The following PTPRT variants were observed in gnomAD, a reference collection of about 807,000 sequenced individuals.
PTPRT encodes protein tyrosine phosphatase receptor type T.
A neutral mutation model predicts 176.8 loss-of-function variants in PTPRT; 56 were observed. The ratio of observed to expected loss-of-function variants is 0.32; its 90% CI spans 0.26 to 0.40. The LOEUF is 0.40. Among genes scored for constraint, PTPRT ranks in the 10% least tolerant of loss-of-function variants. The pLI is 1.00. For missense variants in PTPRT, 1,540 were observed against 1,908.2 expected (o/e 0.81, Z 3.60); for synonymous variants, 783 against 739.0 (o/e 1.06, Z -0.96).
chr20:42,048,238 G>A, the PTPRT span, among the ~76,000 whole-genome samples: 2 of 152,190 alleles, frequency 1.3e-5, no homozygotes, highest in Non-Finnish European at 2.9e-5. Context: ...TTCTTCCTGA[G>A]TATGGGGAAA....
chr20:42,745,822 G>C (rs531691417), intron 6 of PTPRT, among the ~76,000 whole-genome samples: 4 of 152,316 alleles, frequency 2.6e-5, no homozygotes, highest in Admixed American at 2.0e-4. Flanking sequence ...GCCTTGGACT[G>C]TGTGACTCTG....
intron 15 of PTPRT, among the ~76,000 whole-genome samples, chr20:42,224,362 A>G (rs11907691): frequency 0.31 from 47,416 of 152,098 alleles, 8,356 homozygotes; most frequent in East Asian, 0.38. Flanking sequence ...ACCTCTGTAC[A>G]TTTATGAACA....
At chr20:42,096,935 T>C (rs1985322194) in intron 27 of PTPRT, among the ~76,000 whole-genome samples, 1 of 152,018 alleles carries the variant, frequency 6.6e-6, no homozygotes, top group Non-Finnish European at 1.5e-5. Flanking sequence ...AACCCTCCAG[T>C]GTTTCACCTT....
intron 1 of PTPRT, among the ~76,000 whole-genome samples, chr20:43,108,638 T>A (rs2012719860): frequency 6.6e-6 from 1 of 152,060 alleles, no homozygotes; most frequent in South Asian, 2.1e-4. Context: ...GTTGCCCTTA[T>A]TTTCTTATAA....
intron 11 of PTPRT, among the ~76,000 whole-genome samples, chr20:42,347,114 G>A (rs550886740): frequency 6.6e-6 from 1 of 152,300 alleles, no homozygotes; most frequent in Admixed American, 6.5e-5. Flanking sequence ...GGGCCAATCA[G>A]TTAACATCTT....
At chr20:42,330,048 C>T (rs918815967) in intron 11 of PTPRT, among the ~76,000 whole-genome samples, 1 of 152,164 alleles carries the variant, frequency 6.6e-6, no homozygotes, top group African/African-American at 2.4e-5. Context: ...GCATTGTTGA[C>T]TATTCAATGT....
rs1210214907 is a variant in PTPRT, at chr20:42,705,332, G to A, written c.860-27173C>T. Among the ~76,000 whole-genome samples the A allele has an allele frequency of 4.6e-5, 7 of 151,892 alleles. No individual in the cohort carries two copies. The South Asian group carries it at 6.3e-4, about 14-fold the overall frequency. On this transcript the variant is annotated intron_variant, in intron 6 of 30. Coordinates refer to ENST00000373187, the MANE Select transcript of PTPRT (RefSeq NM_007050.6). ...GGCTGAGTCCGAGAAAGGAGTCAGC[G>A]AAGGGTGGTGGGATTATCGTTGGTT...
intron 2 of PTPRT, among the ~76,000 whole-genome samples, chr20:42,799,160 A>C (rs7262058): frequency 0.21 from 32,568 of 151,690 alleles, 3,842 homozygotes; most frequent in East Asian, 0.47. Flanking sequence ...GGGGAAGAGG[A>C]TGGATGGAAG....
chr20:42,850,497 T>G (rs2078449658), intron 2 of PTPRT, among the ~76,000 whole-genome samples: 1 of 152,226 alleles, frequency 6.6e-6, no homozygotes. Flanking sequence ...GATGGAGGCA[T>G]TTTATTTATG....
At chr20:42,645,299 G>A (rs531221458) in intron 7 of PTPRT, among the ~76,000 whole-genome samples, 1 of 152,278 alleles carries the variant, frequency 6.6e-6, no homozygotes, top group African/African-American at 2.4e-5. Flanking sequence ...GAAGAGTTAG[G>A]AAGTTAACAC....
chr20:42,922,586 C>T (rs990634719), intron 1 of PTPRT, among the ~76,000 whole-genome samples: 1 of 152,208 alleles, frequency 6.6e-6, no homozygotes, highest in African/African-American at 2.4e-5. Context: ...CTCAGCATCC[C>T]TTGTAGGTTT....
At chr20:42,711,997 A>T (rs1157031213) in intron 6 of PTPRT, among the ~76,000 whole-genome samples, 2 of 152,030 alleles carry the variant, frequency 1.3e-5, no homozygotes, top group African/African-American at 4.8e-5. Context: ...TGCCTGGATA[A>T]CCCAACATTG....
At chr20:42,179,620 C>T (rs528637644) in intron 16 of PTPRT, among the ~76,000 whole-genome samples, 21 of 152,234 alleles carry the variant, frequency 1.4e-4, no homozygotes, top group African/African-American at 4.8e-4. Flanking sequence ...AATTTTCATG[C>T]TAAATAAATG....
chr20:42,731,069 A>G (rs981483731), intron 6 of PTPRT, among the ~76,000 whole-genome samples: 2 of 152,108 alleles, frequency 1.3e-5, no homozygotes, highest in African/African-American at 4.8e-5. Flanking sequence ...CCTTCAAGTA[A>G]TCTTGAGAGA....
At chr20:42,134,517 A>G (rs978980320) in intron 18 of PTPRT, among the ~76,000 whole-genome samples, 1 of 152,182 alleles carries the variant, frequency 6.6e-6, no homozygotes, top group African/African-American at 2.4e-5. Flanking sequence ...ACATGGTACC[A>G]AGACACATAA....
chr20:42,140,944 A>G (rs1207703867), intron 18 of PTPRT, among the ~76,000 whole-genome samples: 5 of 152,144 alleles, frequency 3.3e-5, no homozygotes, highest in Non-Finnish European at 5.9e-5. Context: ...AAGGGGAGGA[A>G]TCAAAAGTTT....
At chr20:42,871,060 C>T (rs143010153) in intron 2 of PTPRT, among the ~76,000 whole-genome samples, 2,152 of 151,730 alleles carry the variant, frequency 0.014, 62 homozygotes, top group African/African-American at 0.05. Flanking sequence ...AAGTAATTCT[C>T]CTGCCTCAGC....
intron 2 of PTPRT, among the ~76,000 whole-genome samples, chr20:42,878,043 CA>C (rs1214335593): frequency 6.6e-6 from 1 of 152,188 alleles, no homozygotes; most frequent in African/African-American, 2.4e-5. Flanking sequence ...AAAGATAATA[CA>C]CAACCATTCT....
chr20:42,101,991 T>C, intron 26 of PTPRT, 133 bp downstream of exon 26: 4 of 1,080,974 alleles, frequency 3.7e-6, no homozygotes, highest in Non-Finnish European at 5.3e-6. Flanking sequence ...ACAAAGGTCC[T>C]TGGGACTAGT....
Sources: allele counts gnomAD v4.1 joint callset (sites outside exome capture counted in the v4.1 genomes callset), GRCh38; gene constraint gnomAD v4.1.1; transcripts MANE v1.5; gene names NCBI Gene and HGNC (gene_info 2026-07-23, HGNC 2026-07-21).